The following FAM76A variants were observed in gnomAD, a reference collection of about 807,000 sequenced individuals.
The protein encoded by FAM76A is family with sequence similarity 76 member A.
A neutral mutation model predicts 46.2 loss-of-function variants in FAM76A; 32 were observed. The observed-to-expected ratio is 0.69, with a 90% CI of 0.52 to 0.93. The LOEUF (loss-of-function observed/expected upper bound fraction) is 0.93, where lower values mean the gene tolerates loss of function less well. FAM76A is among the 40% of genes least tolerant of loss of function. The pLI is 0.00. For missense variants in FAM76A, 274 were observed against 361.5 expected (o/e 0.76, Z 1.96); for synonymous variants, 137 against 127.0 (o/e 1.08, Z -0.53).
chr1:27,749,005 C>T (rs1280306310), intron 5 of FAM76A, 63 bp from the exon 6 acceptor site: 1 of 1,100,662 alleles, frequency 9.1e-7, no homozygotes, highest in African/African-American at 1.6e-5. Context: ...GACAGACTTT[C>T]ATTGTGATGT....
intron 5 of FAM76A, among the ~76,000 whole-genome samples, chr1:27,747,500 G>A (rs1187948813): frequency 1.3e-5 from 2 of 152,242 alleles, no homozygotes; most frequent in Non-Finnish European, 2.9e-5. Flanking sequence ...GGATTGCATA[G>A]CAGAGACAGA....
At chr1:27,726,721 C>T (rs2087867492) in intron 1 of FAM76A, among the ~76,000 whole-genome samples, 1 of 152,072 alleles carries the variant, frequency 6.6e-6, no homozygotes, top group South Asian at 2.1e-4. Context: ...CACAGTCAGG[C>T]TCACAGATCC....
intron 4 of FAM76A, among the ~76,000 whole-genome samples, chr1:27,741,270 C>T (rs1210713994): frequency 7.2e-6 from 1 of 139,178 alleles, no homozygotes. Flanking sequence ...ACAATCTAGA[C>T]TCACTACAGC....
At chr1:27,745,460 GTTTGT>G (rs1040239281) in intron 5 of FAM76A, among the ~76,000 whole-genome samples, 7 of 152,076 alleles carry the variant, frequency 4.6e-5, no homozygotes, top group African/African-American at 1.7e-4. Context: ...TTTTTTGTTT[GTTTGT>G]TTTGTTATTA....
chr1:27,729,058 G>A (rs1241484608), intron 2 of FAM76A, among the ~76,000 whole-genome samples: 1 of 151,926 alleles, frequency 6.6e-6, no homozygotes, highest in African/African-American at 2.4e-5. Flanking sequence ...TTGGTACCAA[G>A]TTTGATTCTT....
intron 1 of FAM76A, 43 bp downstream of exon 1, chr1:27,726,204 G>T: frequency 8.0e-7 from 1 of 1,246,704 alleles, no homozygotes; most frequent in Non-Finnish European, 1.0e-6. Context: ...GGACGCAGGA[G>T]GCGCGGCCCG....
At chr1:27,749,414 C>T (rs2148582090) in intron 6 of FAM76A, among the ~76,000 whole-genome samples, 1 of 152,326 alleles carries the variant, frequency 6.6e-6, no homozygotes, top group Admixed American at 6.5e-5. Flanking sequence ...GTCACTCAGG[C>T]TGGAGTGCAG....
At chr1:27,735,850 T>C (rs376435606) in intron 4 of FAM76A, among the ~76,000 whole-genome samples, 34 of 152,364 alleles carry the variant, frequency 2.2e-4, no homozygotes, top group East Asian at 1.2e-3. Context: ...ATAATATAAC[T>C]GAGTAAATGG....
At chr1:27,746,048 A>G (rs12046548) in intron 5 of FAM76A, among the ~76,000 whole-genome samples, 24,356 of 152,000 alleles carry the variant, frequency 0.16, 5,051 homozygotes, top group African/African-American at 0.48. Flanking sequence ...CTAGTGTGGA[A>G]AATGCATTGG....
At chr1:27,748,989 C>A in intron 5 of FAM76A, 79 bp from the exon 6 acceptor site, 2 of 890,346 alleles carry the variant, frequency 2.2e-6, no homozygotes, top group Non-Finnish European at 3.4e-6. Flanking sequence ...TAACATTGGT[C>A]TATTTGACAG....
At position 27,744,671 on chromosome 1, in the gene FAM76A, G is replaced by C. The variant is rs771217214; in HGVS notation, c.372G>C (p.Leu124=). ...DDRKKVDGKL[L]CWLCTLSYKR... ...TCTTTCAGGTAGATGGGAAATTGCT[G>C]TGCTGGCTGTGCACACTTTCATACA... Residue 124 remains leucine (L), a synonymous_variant, in exon 5 of 9, where the codon CTG becomes CTC. Transcript: ENST00000373954. The C allele has an allele frequency of 6.2e-7, 1 of 1,614,038 alleles. No individual in the cohort carries two copies. The highest frequency in any genetic ancestry group is 1.1e-5 in the South Asian group (1 of 91,062).
At chr1:27,749,038 T>C (rs754139890) in intron 5 of FAM76A, 30 bp from the exon 6 acceptor site, 7 of 1,418,542 alleles carry the variant, frequency 4.9e-6, no homozygotes, top group Non-Finnish European at 6.8e-6. Context: ...TGATTTCTAA[T>C]GTGTGTCTCT....
intron 4 of FAM76A, among the ~76,000 whole-genome samples, chr1:27,739,672 C>T (rs542855191): frequency 2.8e-4 from 43 of 152,188 alleles, no homozygotes; most frequent in African/African-American, 1.0e-3. Flanking sequence ...CCTGTAGTCT[C>T]GGCTACTTGG....
At position 27,749,194 on chromosome 1, in the gene FAM76A, G is replaced by A. The variant is rs866112289; in HGVS notation, c.599+40G>A. 3 of 1,352,240 alleles carry A rather than the reference G, an allele frequency of 2.2e-6. No homozygotes were observed. In the Middle Eastern group the frequency reaches 5.5e-4, roughly 249 times the overall value. 83.8% of individuals were successfully genotyped at this position (1,352,240 alleles called of 1,614,324 possible). On this transcript the variant is annotated intron_variant, in intron 6 of 8. Coordinates refer to ENST00000373954, the MANE Select transcript of FAM76A (RefSeq NM_152660.3). ...GTATGTGTGCGCACACATTTGAAAT[G>A]CATACACAGTTCCTGAAACAGGAAT...
chr1:27,728,007 C>T (rs1014174251), intron 2 of FAM76A, among the ~76,000 whole-genome samples: 2 of 151,914 alleles, frequency 1.3e-5, no homozygotes, highest in African/African-American at 4.8e-5. Context: ...GGGGTTTCAC[C>T]ATCTTGGCCA....
chr1:27,752,888 G>A (rs746765413), intron 6 of FAM76A, among the ~76,000 whole-genome samples: 36 of 152,168 alleles, frequency 2.4e-4, no homozygotes, highest in Non-Finnish European at 5.0e-4. Flanking sequence ...GGCTGGGCAC[G>A]GTGGCTCACG....
chr1:27,741,095 G>T (rs1193787181), intron 4 of FAM76A, among the ~76,000 whole-genome samples: 1 of 149,812 alleles, frequency 6.7e-6, no homozygotes, highest in Admixed American at 6.7e-5. Context: ...TCACGCCATT[G>T]CACTCCAGCC....
rs202213914 is a variant in FAM76A, at chr1:27,760,946, G to GTTTTTTTTTTTTTTTTTTTGTTTTTTTT, written c.*382_*383insTTGTTTTTTTTTTTTTTTTTTTTTTTTT. 3.0e-5 allele frequency: 1 copy of GTTTTTTTTTTTTTTTTTTTGTTTTTTTT among 33,288 alleles called. No homozygotes were observed. Among genetic ancestry groups the GTTTTTTTTTTTTTTTTTTTGTTTTTTTT allele is most frequent in the African/African-American group, 1.1e-4 (1 of 8,888 alleles). 2.1% of individuals were successfully genotyped at this position (33,288 alleles called of 1,614,324 possible). On this transcript the variant is annotated 3_prime_UTR_variant, in exon 9 of 9. Transcript: ENST00000373954. ...TAATGTGCAGAATGATTTGTTTTTTGTTTTTTTTTTTTTTTTTGGTCCTTC... is the reference window on the plus strand; with the variant it reads ...TAATGTGCAGAATGATTTGTTTTTTGTTTTTTTTTTTTTTTTTTTGTTTTTTTTTTTTTTTTTTTTTTTTTGGTCCTTC...
At chr1:27,735,701 A>G (rs1195550371) in intron 4 of FAM76A, among the ~76,000 whole-genome samples, 1 of 152,198 alleles carries the variant, frequency 6.6e-6, no homozygotes, top group Non-Finnish European at 1.5e-5. Flanking sequence ...TCCTGGGGCT[A>G]GCTGAATGAC....
Sources: gnomAD v4.1 joint callset for allele counts (sites outside exome capture counted in the v4.1 genomes callset) on GRCh38, gnomAD v4.1.1 for gene constraint, MANE v1.5 for transcripts, NCBI Gene and HGNC (gene_info 2026-07-23, HGNC 2026-07-21) for gene names.